Variants in SDK1 observed in about 807,000 individuals in gnomAD.
SDK1 encodes sidekick cell adhesion molecule 1.
Under a neutral mutation model 245.5 loss-of-function variants are expected in SDK1, and 157 were observed. The ratio of observed to expected loss-of-function variants is 0.64; its 90% CI spans 0.56 to 0.73. The LOEUF is 0.73. Among genes scored for constraint, SDK1 ranks in the 30% least tolerant of loss-of-function variants. The pLI, the probability that SDK1 is intolerant of heterozygous loss-of-function variation, is 0.00. For synonymous variants in SDK1, 1,647 were observed against 1,278.5 expected (o/e 1.29, Z -6.15); for missense variants, 3,583 against 3,002.3 (o/e 1.19, Z -4.52).
intron 40 of SDK1, among the ~76,000 whole-genome samples, chr7:4,226,732 G>C (rs532090894): frequency 6.6e-6 from 1 of 152,170 alleles, no homozygotes; most frequent in Non-Finnish European, 1.5e-5. Context: ...GAAGGCACTG[G>C]AAACTATGCA....
At chr7:3,909,975 G>A (rs1329372339) in intron 5 of SDK1, among the ~76,000 whole-genome samples, 2 of 152,172 alleles carry the variant, frequency 1.3e-5, no homozygotes, top group African/African-American at 2.4e-5. Context: ...CAAGGGCAAG[G>A]TTCATTTAAA....
At position 3,304,142 on chromosome 7, in the gene SDK1, AG is replaced by A. The variant is rs533054701; in HGVS notation, c.298+2260del. Among the ~76,000 whole-genome samples, 1,075 of 152,356 alleles carry A rather than the reference AG, an allele frequency of 7.1e-3. 15 individuals are homozygous for A. The highest frequency in any genetic ancestry group is 0.025 in the African/African-American group (1,019 of 41,574). ...GTAACTGATCATGATGGGAACCGCC[AG>A]GTTCAGGTCTTCCAAATGTAACTTT... On this transcript the variant is annotated intron_variant, in intron 1 of 44. Transcript: ENST00000404826.
chr7:3,505,222 T>C (rs114759927), intron 1 of SDK1, among the ~76,000 whole-genome samples: 2 of 152,340 alleles, frequency 1.3e-5, no homozygotes, highest in African/African-American at 4.8e-5. Flanking sequence ...TTTTTTGATC[T>C]AGGGTTTACA....
intron 31 of SDK1, among the ~76,000 whole-genome samples, chr7:4,160,132 C>A (rs934034501): frequency 6.6e-6 from 1 of 152,166 alleles, no homozygotes; most frequent in Non-Finnish European, 1.5e-5. Flanking sequence ...TCACACTAAA[C>A]CACAAGGGAA....
intron 35 of SDK1, among the ~76,000 whole-genome samples, chr7:4,183,230 A>G (rs1782694778): frequency 6.6e-6 from 1 of 152,152 alleles, no homozygotes; most frequent in Non-Finnish European, 1.5e-5. Context: ...AAAGCATCTC[A>G]AAAGATCAAT....
At chr7:4,128,846 T>C (rs1414587443) in intron 26 of SDK1, among the ~76,000 whole-genome samples, 1 of 115,136 alleles carries the variant, frequency 8.7e-6, no homozygotes, top group African/African-American at 3.4e-5. Flanking sequence ...TGGAGTGGGG[T>C]CCCCTGGAAT....
chr7:3,992,560 G>A (rs1188754162), intron 14 of SDK1, among the ~76,000 whole-genome samples: 1 of 152,180 alleles, frequency 6.6e-6, no homozygotes, highest in East Asian at 1.9e-4. Flanking sequence ...GGGACCCTGT[G>A]ACCAGGCTGA....
At chr7:4,163,628 G>A (rs927252178) in intron 32 of SDK1, among the ~76,000 whole-genome samples, 1 of 152,236 alleles carries the variant, frequency 6.6e-6, no homozygotes, top group Non-Finnish European at 1.5e-5. Context: ...GACCAGGCTA[G>A]GACAGGAGGT....
intron 19 of SDK1, among the ~76,000 whole-genome samples, chr7:4,056,413 G>C (rs1779198836): frequency 6.6e-6 from 1 of 152,134 alleles, no homozygotes; most frequent in African/African-American, 2.4e-5. Flanking sequence ...AGAACAGCAA[G>C]TAGGTAACCA....
intron 17 of SDK1, among the ~76,000 whole-genome samples, chr7:4,042,855 T>C: frequency 6.6e-6 from 1 of 152,254 alleles, no homozygotes; most frequent in East Asian, 1.9e-4. Context: ...TAACTCTTTC[T>C]CGCTTGAGGG....
At chr7:3,312,192 T>C (rs1488427193) in intron 1 of SDK1, among the ~76,000 whole-genome samples, 1 of 152,158 alleles carries the variant, frequency 6.6e-6, no homozygotes, top group Non-Finnish European at 1.5e-5. Flanking sequence ...GCAACTAACC[T>C]TCAAGCTGAG....
At chr7:3,602,919 A>G (rs900830784) in intron 1 of SDK1, among the ~76,000 whole-genome samples, 3 of 152,106 alleles carry the variant, frequency 2.0e-5, no homozygotes, top group Non-Finnish European at 4.4e-5. Flanking sequence ...TCCCAGCACC[A>G]TTTATTAAAT....
At chr7:4,233,618 C>T (rs371263864) in intron 41 of SDK1, among the ~76,000 whole-genome samples, 199 bp downstream of exon 41, 21 of 151,964 alleles carry the variant, frequency 1.4e-4, no homozygotes, top group African/African-American at 4.8e-4. Flanking sequence ...GGTCTGTCTT[C>T]TCCTGAAGGA....
intron 5 of SDK1, among the ~76,000 whole-genome samples, chr7:3,893,176 A>G (rs902159891): frequency 1.3e-5 from 2 of 152,076 alleles, no homozygotes; most frequent in African/African-American, 4.8e-5. Flanking sequence ...TTTGCTAGGA[A>G]ATTTTTTGTT....
chr7:3,606,979 A>G (rs1034977787), intron 1 of SDK1, among the ~76,000 whole-genome samples: 19 of 152,222 alleles, frequency 1.2e-4, no homozygotes, highest in African/African-American at 2.9e-4. Context: ...TAATAAAGAA[A>G]TAATACTACT....
intron 5 of SDK1, among the ~76,000 whole-genome samples, chr7:3,869,248 C>T (rs1304444735): frequency 6.6e-6 from 1 of 151,380 alleles, no homozygotes; most frequent in Non-Finnish European, 1.5e-5. Flanking sequence ...CTCCACCTCC[C>T]GGGTTCAAGC....
chr7:4,072,948 C>T (rs1780354801), intron 20 of SDK1, among the ~76,000 whole-genome samples: 4 of 152,242 alleles, frequency 2.6e-5, no homozygotes, highest in Admixed American at 2.0e-4. Flanking sequence ...TAAATTTCAG[C>T]GTCCTCCACT....
At chr7:4,249,212 C>G (rs1193786689) in intron 44 of SDK1, among the ~76,000 whole-genome samples, 1 of 152,162 alleles carries the variant, frequency 6.6e-6, no homozygotes, top group Non-Finnish European at 1.5e-5. Flanking sequence ...ATGTAACAGG[C>G]AGAAAGCCGA....
intron 14 of SDK1, among the ~76,000 whole-genome samples, chr7:3,990,352 C>G (rs998635): frequency 6.6e-6 from 1 of 152,078 alleles, no homozygotes. Flanking sequence ...AACTCCCACT[C>G]GGGCCTCTTT....
Sources: allele counts gnomAD v4.1 joint callset (sites outside exome capture counted in the v4.1 genomes callset), GRCh38; gene constraint gnomAD v4.1.1; transcripts MANE v1.5; gene names NCBI Gene and HGNC (gene_info 2026-07-23, HGNC 2026-07-21).